RGS22: variants seen among roughly 807,000 people sequenced by gnomAD.
RGS22 encodes regulator of G protein signaling 22.
Under a neutral mutation model 172.9 loss-of-function variants are expected in RGS22, and 148 were observed. The observed-to-expected ratio is 0.86, with a 90% CI of 0.75 to 0.98. RGS22 has a LOEUF of 0.98. RGS22 is among the 50% of genes least tolerant of loss of function. The pLI, the probability that RGS22 is intolerant of heterozygous loss-of-function variation, is 0.00. For missense variants in RGS22, 1,347 were observed against 1,440.8 expected, an observed-to-expected ratio of 0.93 and a Z score of 1.05; for synonymous variants, 458 against 480.2, an observed-to-expected ratio of 0.95 and a Z score of 0.60.
intron 18 of RGS22, among the ~76,000 whole-genome samples, chr8:100,000,086 T>C (rs1435709219): frequency 6.6e-6 from 1 of 152,164 alleles, no homozygotes; most frequent in Non-Finnish European, 1.5e-5. Context: ...ACAACTTCTT[T>C]GTGATCTAAA....
chr8:100,000,884 C>A (rs1269362467), intron 18 of RGS22, among the ~76,000 whole-genome samples: 1 of 152,098 alleles, frequency 6.6e-6, no homozygotes, highest in Non-Finnish European at 1.5e-5. Flanking sequence ...ATTTCTCCTG[C>A]ACCCCAAAGA....
At chr8:99,964,510 G>A (rs1810527407) in intron 24 of RGS22, among the ~76,000 whole-genome samples, 2 of 147,560 alleles carry the variant, frequency 1.4e-5, no homozygotes, top group African/African-American at 5.0e-5. Flanking sequence ...GCAGCAGCCT[G>A]ATATCTCTAA....
At chr8:99,983,310 G>T (rs1396689765) in intron 21 of RGS22, among the ~76,000 whole-genome samples, 6 of 152,118 alleles carry the variant, frequency 3.9e-5, no homozygotes, top group Admixed American at 3.9e-4. Flanking sequence ...TCTCCTTGGG[G>T]TATACATCCA....
At chr8:99,982,538 A>C (rs1227298179) in intron 21 of RGS22, among the ~76,000 whole-genome samples, 1 of 152,170 alleles carries the variant, frequency 6.6e-6, no homozygotes, top group African/African-American at 2.4e-5. Flanking sequence ...TGGATAGTTA[A>C]TAAATGTTAT....
At chr8:100,089,798 A>T (rs958330969) in intron 3 of RGS22, among the ~76,000 whole-genome samples, 5 of 152,172 alleles carry the variant, frequency 3.3e-5, no homozygotes, top group African/African-American at 1.2e-4. Context: ...GGATAAAAAC[A>T]AGACCAGATT....
In RGS22 at chr8:99,987,509, TC is replaced by T; in HGVS notation, c.3128del (p.Gly1043GlufsTer56). The part of the protein sequence containing the change: ...RQFQRFVALK[G>X]DLLENGLLFW... ...AGAGTAAACCATTTTCCAATAAATC[TC>T]CTTTTAGAGCCACAAAACGTTGAAA... On this transcript the variant is annotated frameshift_variant, in exon 21 of 28. Transcript: ENST00000360863. LOFTEE classifies it high-confidence loss of function. The T allele has an allele frequency of 6.2e-7, 1 of 1,611,728 alleles. No individual in the cohort carries two copies. The highest frequency in any genetic ancestry group is 8.5e-7 in the Non-Finnish European group (1 of 1,178,720).
In RGS22 at chr8:100,071,086, C is replaced by T. The variant is rs185522189; in HGVS notation, c.594+283G>A. Among the ~76,000 whole-genome samples, 119 of 152,086 alleles carry T rather than the reference C, an allele frequency of 7.8e-4. 1 individual carries two copies. The highest frequency in any genetic ancestry group is 4.5e-3 in the Admixed American group (69 of 15,266). On this transcript the variant is annotated intron_variant, in intron 6 of 27. Transcript: ENST00000360863. ...TTCCTTGAGCCTAGGAGTTCGAGAC[C>T]AGCCTGGGCTACATGGTAATACCCC...
intron 15 of RGS22, among the ~76,000 whole-genome samples, chr8:100,006,380 T>C (rs1159630087): frequency 6.6e-6 from 1 of 152,174 alleles, no homozygotes; most frequent in Non-Finnish European, 1.5e-5. Flanking sequence ...GCAAATATAT[T>C]AGTCACATTT....
intron 9 of RGS22, among the ~76,000 whole-genome samples, chr8:100,053,465 G>GGAGA (rs1467835417): frequency 5.2e-4 from 75 of 145,500 alleles, no homozygotes; most frequent in Non-Finnish European, 8.4e-4. Context: ...AGGGAGAGAG[G>GGAGA]GAGGGAGGGA....
At chr8:100,022,423 C>T (rs887065528) in intron 14 of RGS22, among the ~76,000 whole-genome samples, 3 of 151,928 alleles carry the variant, frequency 2.0e-5, no homozygotes, top group East Asian at 1.9e-4. Flanking sequence ...TAAGAAAAGA[C>T]GAGAACAAAC....
intron 9 of RGS22, among the ~76,000 whole-genome samples, chr8:100,056,383 A>C (rs936250454): frequency 6.6e-6 from 1 of 152,210 alleles, no homozygotes; most frequent in Non-Finnish European, 1.5e-5. Flanking sequence ...AGAAATTTGC[A>C]TAAGTAATGA....
At chr8:100,061,919 T>G (rs571698262) in intron 9 of RGS22, among the ~76,000 whole-genome samples, 1 of 152,270 alleles carries the variant, frequency 6.6e-6, no homozygotes, top group South Asian at 2.1e-4. Context: ...AGTGATAGAC[T>G]GGATAAAGAA....
intron 2 of RGS22, among the ~76,000 whole-genome samples, chr8:100,094,531 A>G (rs1033518538): frequency 1.3e-5 from 2 of 152,244 alleles, no homozygotes; most frequent in African/African-American, 4.8e-5. Context: ...AATCACTTAT[A>G]GAATTTATAT....
rs1384450471 is a variant in RGS22, at chr8:100,063,636, C to G, written c.1132G>C (p.Glu378Gln). ...ELVQTTKERS[E>Q]EIEQTSLSSK... ...CTTAAACTTGTTTGTTCTATCTCTTCTGACCTCTCCTTTGTAGTTTGAACT... is the reference window on the plus strand; with the variant it reads ...CTTAAACTTGTTTGTTCTATCTCTTGTGACCTCTCCTTTGTAGTTTGAACT... Residue 378 changes from glutamate (E) to glutamine (Q), a missense_variant, in exon 8 of 28, where the codon GAA becomes CAA. Glu to Gln is a conservative substitution (Grantham distance 29). Transcript: ENST00000360863. 3 of 1,613,998 alleles carry G rather than the reference C, an allele frequency of 1.9e-6. No homozygotes were observed. Among genetic ancestry groups the G allele is most frequent in the Non-Finnish European group, 2.5e-6 (3 of 1,180,000 alleles).
At chr8:100,096,272 T>C (rs989237603) in intron 2 of RGS22, among the ~76,000 whole-genome samples, 2 of 152,260 alleles carry the variant, frequency 1.3e-5, no homozygotes, top group African/African-American at 4.8e-5. Flanking sequence ...TGGTGATGGT[T>C]AATGGTACAA....
chr8:99,970,883 G>A (rs142136404), intron 23 of RGS22, among the ~76,000 whole-genome samples: 1 of 152,236 alleles, frequency 6.6e-6, no homozygotes, highest in Non-Finnish European at 1.5e-5. Flanking sequence ...ATTTTATGAG[G>A]CCAGCATCAT....
chr8:100,004,211 T>A (rs1815427519), intron 16 of RGS22, 113 bp from the exon 17 acceptor site: 9 of 1,302,178 alleles, frequency 6.9e-6, no homozygotes, highest in Non-Finnish European at 8.0e-6. Context: ...CATTTAATAA[T>A]TCAATGGCAG....
rs1371442622 is a variant in RGS22, at chr8:100,080,209, T to C, written c.264A>G (p.Gly88=). Residue 88 remains glycine (G), a synonymous_variant, in exon 4 of 28, where the codon GGA becomes GGG. Transcript: ENST00000360863. ...RNPIYDVVRK[G]KNEVKPVQMN... Reference sequence around the variant, plus strand: ...TTTGAACAGGTTTAACCTCATTCTTTCCTTTCCTTACAACATCATAAATGG... The same window carrying C: ...TTTGAACAGGTTTAACCTCATTCTTCCCTTTCCTTACAACATCATAAATGG... 1.2e-6 allele frequency: 2 copies of C among 1,613,808 alleles called. No individual in the cohort carries two copies. Among genetic ancestry groups the C allele is most frequent in the African/African-American group, 1.3e-5 (1 of 74,932 alleles).
At chr8:100,025,171 T>C (rs2131490542) in intron 14 of RGS22, among the ~76,000 whole-genome samples, 1 of 152,338 alleles carries the variant, frequency 6.6e-6, no homozygotes, top group East Asian at 1.9e-4. Flanking sequence ...AGCTGGCTGC[T>C]GTGCTTGTTC....
Sources: allele counts gnomAD v4.1 joint callset (sites outside exome capture counted in the v4.1 genomes callset), GRCh38; gene constraint gnomAD v4.1.1; transcripts MANE v1.5; gene names NCBI Gene and HGNC (gene_info 2026-07-23, HGNC 2026-07-21).